ERC2: variants seen among roughly 807,000 people sequenced by gnomAD.
ERC2 encodes ELKS/RAB6-interacting/CAST family member 2.
A neutral mutation model predicts 114.8 loss-of-function variants in ERC2; 42 were observed. The ratio of observed to expected loss-of-function variants is 0.37; its 90% CI spans 0.29 to 0.47. The LOEUF (loss-of-function observed/expected upper bound fraction) is 0.47. ERC2 is among the 20% of genes least tolerant of loss of function. The probability of loss-of-function intolerance (pLI) is 0.99; values close to 1 mark genes in which losing one functional copy is unlikely to be tolerated. For missense variants in ERC2, 939 were observed against 1,150.7 expected, an observed-to-expected ratio of 0.82 and a Z score of 2.66; for synonymous variants, 454 against 425.5, an observed-to-expected ratio of 1.07 and a Z score of -0.82.
intron 17 of ERC2, among the ~76,000 whole-genome samples, chr3:55,666,578 G>A (rs1487757079): frequency 2.0e-4 from 31 of 152,158 alleles, no homozygotes; most frequent in Admixed American, 2.0e-3. Flanking sequence ...GAGCCATGTT[G>A]CCCCCCAGGG....
chr3:55,713,131 TCACA>T lies in ERC2; in HGVS notation c.2713-13623_2713-13620del, dbSNP rs10656961. On this transcript the variant is annotated intron_variant, in intron 15 of 17. Transcript: ENST00000288221. The stretch of plus-strand genomic sequence containing the variant: ...CTCTCTCTCTCTCTCTCTCTCTGTC[TCACA>T]CACACACACACACACACACACACAC... Among the ~76,000 whole-genome samples, 16 of 139,414 alleles carry T rather than the reference TCACA, an allele frequency of 1.1e-4. 2 individuals carry two copies. The South Asian group carries it at 2.6e-3, about 23-fold the overall frequency. 91.5% of individuals were successfully genotyped at this position (139,414 alleles called of 152,430 possible). A position where few individuals can be genotyped will look rare whatever the true frequency, so the allele number is the denominator to read the frequency against.
chr3:56,085,336 T>G (rs9819954), intron 6 of ERC2, among the ~76,000 whole-genome samples: 27,215 of 152,136 alleles, frequency 0.18, 2,601 homozygotes, highest in African/African-American at 0.23. Flanking sequence ...AGGGGAAGGG[T>G]TGGTCACAGA....
At chr3:56,446,436 G>A (rs887896012) in intron 1 of ERC2, among the ~76,000 whole-genome samples, 4 of 151,962 alleles carry the variant, frequency 2.6e-5, no homozygotes, top group Non-Finnish European at 5.9e-5. Flanking sequence ...TGTGCACAGG[G>A]TTGTAACTCA....
chr3:55,550,066 C>T (rs1315308534), intron 17 of ERC2, among the ~76,000 whole-genome samples: 1 of 152,170 alleles, frequency 6.6e-6, no homozygotes, highest in Non-Finnish European at 1.5e-5. Context: ...CCCACCTGGT[C>T]TAGCCTGGTC....
At chr3:56,447,149 C>A (rs11923602) in intron 1 of ERC2, among the ~76,000 whole-genome samples, 53,491 of 152,054 alleles carry the variant, frequency 0.35, 9,617 homozygotes, top group Middle Eastern at 0.43. Flanking sequence ...CAATAGCATC[C>A]GCTACACCCC....
intron 10 of ERC2, among the ~76,000 whole-genome samples, chr3:55,992,504 G>A (rs2071161029): frequency 6.6e-6 from 1 of 152,148 alleles, no homozygotes; most frequent in Non-Finnish European, 1.5e-5. Flanking sequence ...ATTAAATGTT[G>A]CTACTTTTAG....
At chr3:55,762,544 T>A (rs1380090801) in intron 14 of ERC2, among the ~76,000 whole-genome samples, 10 of 152,122 alleles carry the variant, frequency 6.6e-5, no homozygotes, top group East Asian at 1.9e-4. Context: ...TTATTTTTTT[T>A]AAAAAGTAAT....
At position 56,457,050 on chromosome 3, in the gene ERC2, C is replaced by T. The variant is rs550909861; in HGVS notation, c.-141+11198G>A. ...TTGTACATTTCAAGGAATAATGAAA[C>T]TATTTCCATTCATGAACTTTCTCAG... On this transcript the variant is annotated intron_variant, in intron 1 of 17. Coordinates refer to ENST00000288221, the MANE Select transcript of ERC2 (RefSeq NM_015576.3). Among the ~76,000 whole-genome samples the T allele has an allele frequency of 1.6e-4, 25 of 152,336 alleles. No homozygotes were observed. In the South Asian group the frequency reaches 4.6e-3, roughly 28 times the overall value.
chr3:56,300,784 G>A (rs1351526472), intron 2 of ERC2, among the ~76,000 whole-genome samples: 1 of 152,192 alleles, frequency 6.6e-6, no homozygotes, highest in East Asian at 1.9e-4. Context: ...ACAGCCACAG[G>A]TGTTCATCCA....
chr3:55,616,631 C>CT (rs11289307), intron 17 of ERC2, among the ~76,000 whole-genome samples: 2,538 of 142,022 alleles, frequency 0.018, 77 homozygotes, highest in African/African-American at 0.061. Flanking sequence ...AGTTATTGTG[C>CT]TTTTTTTTTT....
chr3:56,065,428 C>T (rs921577149), intron 7 of ERC2, among the ~76,000 whole-genome samples: 4 of 151,824 alleles, frequency 2.6e-5, no homozygotes, highest in African/African-American at 7.3e-5. Context: ...CACTCTGTTC[C>T]CCGGGCTGCT....
At chr3:56,094,872 A>G (rs919813697) in intron 6 of ERC2, among the ~76,000 whole-genome samples, 3 of 152,240 alleles carry the variant, frequency 2.0e-5, no homozygotes, top group Non-Finnish European at 4.4e-5. Context: ...TAGAAAAATA[A>G]TAACAGTGAA....
chr3:55,754,162 T>C (rs1391478983), intron 14 of ERC2, among the ~76,000 whole-genome samples: 1 of 136,464 alleles, frequency 7.3e-6, no homozygotes, highest in East Asian at 2.1e-4. Context: ...CACCGATCTC[T>C]ACAGATAAGA....
chr3:55,951,553 C>A (rs2067508819), intron 12 of ERC2, among the ~76,000 whole-genome samples: 1 of 152,168 alleles, frequency 6.6e-6, no homozygotes, highest in Admixed American at 6.5e-5. Context: ...TTTAGCAAAA[C>A]ATTCCACAGA....
intron 6 of ERC2, among the ~76,000 whole-genome samples, chr3:56,113,550 A>G (rs144449662): frequency 2.4e-3 from 371 of 152,318 alleles, no homozygotes; most frequent in African/African-American, 8.3e-3. Context: ...ACATTAAAAG[A>G]AGAAAACTCT....
intron 12 of ERC2, among the ~76,000 whole-genome samples, chr3:55,960,783 T>C (rs975555423): frequency 1.3e-5 from 2 of 152,198 alleles, no homozygotes; most frequent in Non-Finnish European, 1.5e-5. Context: ...AGTATACAAA[T>C]AGATTATATC....
chr3:55,691,180 G>T (rs1036363210), intron 16 of ERC2, among the ~76,000 whole-genome samples: 1 of 152,034 alleles, frequency 6.6e-6, no homozygotes, highest in Non-Finnish European at 1.5e-5. Flanking sequence ...TAGTAGTTTT[G>T]GGGATTTTTA....
chr3:55,689,596 A>T (rs1271048358), intron 16 of ERC2, among the ~76,000 whole-genome samples: 1 of 152,174 alleles, frequency 6.6e-6, no homozygotes, highest in African/African-American at 2.4e-5. Context: ...TGTTTTTAAC[A>T]TGACTCTGGT....
Position 56,170,599 on chromosome 3 carries a change from T to TTTTG in ERC2, c.1149+2846_1149+2847insCAAA, listed in dbSNP as rs770038222. ...AAATCTCTTCTGTTTTTTTTTTTTT[T>TTTTG]TTTTTTTTTTTTTTTGAGGTAGTGT... On this transcript the variant is annotated intron_variant, in intron 4 of 17. Transcript: ENST00000288221. Among the ~76,000 whole-genome samples the TTTTG allele has an allele frequency of 1.4e-5, 2 of 142,382 alleles. 1 individual carries two copies. Among genetic ancestry groups the TTTTG allele is most frequent in the Non-Finnish European group, 3.0e-5 (2 of 65,594 alleles). 93.4% of individuals were successfully genotyped at this position (142,382 alleles called of 152,430 possible). A position where few individuals can be genotyped will look rare whatever the true frequency, so the allele number is the denominator to read the frequency against.
Sources: allele counts gnomAD v4.1 joint callset (sites outside exome capture counted in the v4.1 genomes callset), GRCh38; gene constraint gnomAD v4.1.1; transcripts MANE v1.5; gene names NCBI Gene and HGNC (gene_info 2026-07-23, HGNC 2026-07-21).